The following SSBP4 variants were observed in gnomAD, a reference collection of about 807,000 sequenced individuals.
The protein encoded by SSBP4 is single stranded DNA binding protein 4.
SSBP4 carries 33 observed loss-of-function variants against 64.6 expected under a neutral mutation model. That is an observed-to-expected ratio of 0.51 (90% CI 0.39 to 0.68). The LOEUF is 0.68. Among genes scored for constraint, SSBP4 ranks in the 30% least tolerant of loss-of-function variants. SSBP4 has a pLI of 0.00. For missense variants in SSBP4, 583 were observed against 566.8 expected (o/e 1.03, Z -0.29); for synonymous variants, 243 against 224.0 (o/e 1.08, Z -0.76).
chr19:18,408,084 T>A, the SSBP4 span, among the ~76,000 whole-genome samples: 2 of 152,088 alleles, frequency 1.3e-5, no homozygotes, highest in Non-Finnish European at 2.9e-5. Flanking sequence ...CTGAATACCT[T>A]TGGGAGAGTC....
At position 18,427,921 on chromosome 19, in the gene SSBP4, C is replaced by T. The variant is rs1384340671; in HGVS notation, c.218C>T (p.Ala73Val). ...WWCVFWDLYCAAPDRREACEH... is the reference protein window; with the variant it reads ...WWCVFWDLYCVAPDRREACEH... ...AGCGTCTTCTGGGACCTGTACTGCG[C>T]GGCGCCTGACAGAAGAGAGGCCTGC... is the stretch of plus-strand genomic sequence containing the variant. The change falls in exon 4 of 18, where the codon GCG becomes GTG. Residue 73 changes from alanine to valine, a missense_variant. Transcript: ENST00000270061. The surrounding 1 kb of genome is among the most constrained non-coding windows in gnomAD (Gnocchi z 4.4). 6 of 1,613,698 alleles carry T rather than the reference C, an allele frequency of 3.7e-6. No homozygotes were observed. The highest frequency in any genetic ancestry group is 2.2e-5 in the East Asian group (1 of 44,878).
intron 4 of SSBP4, among the ~76,000 whole-genome samples, chr19:18,429,545 C>T (rs544031732): frequency 6.6e-5 from 10 of 152,044 alleles, no homozygotes; most frequent in Admixed American, 6.5e-4. Flanking sequence ...GGGGATTGCC[C>T]TCCCTGCGGG....
At chr19:18,421,196 T>C (rs1654002760) in intron 1 of SSBP4, among the ~76,000 whole-genome samples, 1 of 152,258 alleles carries the variant, frequency 6.6e-6, no homozygotes, top group Admixed American at 6.5e-5. Flanking sequence ...TGGGTCATTT[T>C]GGAGAAGAGG....
intron 4 of SSBP4, among the ~76,000 whole-genome samples, chr19:18,430,403 C>A (rs1343209374): frequency 6.6e-6 from 1 of 152,214 alleles, no homozygotes; most frequent in Non-Finnish European, 1.5e-5. Context: ...GACCCCACCC[C>A]AGAATCCTGC....
chr19:18,433,834 A>T lies in SSBP4; in HGVS notation c.1128+17A>T. ...AGCGAAAGCGTAAGCGACTGCGTCG[A>T]CTCCCCCCCCGCGGCGGCGTCGGGC... On this transcript the variant is annotated intron_variant, in intron 17 of 17. Transcript: ENST00000270061. The T allele has an allele frequency of 7.3e-7, 1 of 1,370,626 alleles. No individual in the cohort carries two copies. Among genetic ancestry groups the T allele is most frequent in the Non-Finnish European group, 9.4e-7 (1 of 1,067,594 alleles). The allele number at this position is 1,370,626 out of a possible 1,614,324, so 84.9% of individuals were successfully genotyped here.
Position 18,434,380 on chromosome 19 carries a change from A to G in SSBP4, c.*134A>G, listed in dbSNP as rs775383502. ...AAGGCTTGCCCAGCTGGGAGGCCCC[A>G]CACGAAAGACTCTTACCATTTTATT... On this transcript the variant is annotated 3_prime_UTR_variant, in exon 18 of 18. Transcript: ENST00000270061. 864 of 1,430,428 alleles carry G rather than the reference A, an allele frequency of 6.0e-4. 1 individual carries two copies. Among genetic ancestry groups the G allele is most frequent in the Non-Finnish European group, 7.0e-4 (764 of 1,085,250 alleles). 88.6% of individuals were successfully genotyped at this position (1,430,428 alleles called of 1,614,324 possible). A position where few individuals can be genotyped will look rare whatever the true frequency, so the allele number is the denominator to read the frequency against.
upstream of SSBP4, among the ~76,000 whole-genome samples, chr19:18,418,652 G>T (rs1381323333): frequency 6.6e-6 from 1 of 152,242 alleles, no homozygotes; most frequent in Non-Finnish European, 1.5e-5. The surrounding 1 kb of genome is among the most constrained non-coding windows in gnomAD (Gnocchi z 6.7). Flanking sequence ...CTGTGTGCCT[G>T]GGTTGTGTCT....
Position 18,419,549 on chromosome 19 carries a change from G to A in SSBP4, c.-100G>A, listed in dbSNP as rs1301080623. The A allele has an allele frequency of 1.3e-5, 15 of 1,151,184 alleles. No individual in the cohort carries two copies. Among genetic ancestry groups the A allele is most frequent in the Non-Finnish European group, 1.6e-5 (15 of 934,160 alleles). 71.3% of individuals were successfully genotyped at this position (1,151,184 alleles called of 1,614,324 possible). ...CTGCCGTGCCCGCCTGGGGCTCGGG[G>A]CGGTGAGGCCCGGGGCGCGGGGTAG... is the stretch of plus-strand genomic sequence containing the variant. On this transcript the variant is annotated 5_prime_UTR_variant, in exon 1 of 18. Transcript: ENST00000270061.
Position 18,433,714 on chromosome 19 carries a change from C to T in SSBP4, c.1025C>T (p.Ser342Phe). The T allele has an allele frequency of 2.8e-6, 4 of 1,426,100 alleles. No individual in the cohort carries two copies. The highest frequency in any genetic ancestry group is 3.6e-6 in the Non-Finnish European group (4 of 1,101,432). The allele number at this position is 1,426,100 out of a possible 1,614,324, so 88.3% of individuals were successfully genotyped here. The change falls in exon 17 of 18, where the codon TCC becomes TTC. Residue 342 changes from serine to phenylalanine, a missense_variant. Ser to Phe is a radical substitution (Grantham distance 155, BLOSUM62 -2). Around this residue, in one of 5 missense-constraint regions of SSBP4, gnomAD observed 31 missense variants for 58.5 expected, o/e 0.53. Transcript: ENST00000270061. Reference protein sequence around the residue: ...SGDMDGLPKSSPGAVAGLSNA... With the variant: ...SGDMDGLPKSFPGAVAGLSNA... ...GCCGACGGCGGCCGCCCCCAGAGTT[C>T]CCCCGGCGCCGTGGCCGGCCTGAGC...
At position 18,432,613 on chromosome 19, in the gene SSBP4, A is replaced by G. The variant is rs372909973; in HGVS notation, c.750+9A>G. 5 of 1,121,966 alleles carry G rather than the reference A, an allele frequency of 4.5e-6. No homozygotes were observed. Among genetic ancestry groups the G allele is most frequent in the Non-Finnish European group, 4.8e-6 (4 of 838,778 alleles). 69.5% of individuals were successfully genotyped at this position (1,121,966 alleles called of 1,614,324 possible). A position where few individuals can be genotyped will look rare whatever the true frequency, so the allele number is the denominator to read the frequency against. On this transcript the variant is annotated intron_variant, in intron 11 of 17. Coordinates refer to ENST00000270061, the MANE Select transcript of SSBP4 (RefSeq NM_032627.5). ...GCCCCAGTGGAAACTCGGTGAGCCTATGGCTGGGTGGGCAGGCTTGGGGTG... is the reference window on the plus strand; with the variant it reads ...GCCCCAGTGGAAACTCGGTGAGCCTGTGGCTGGGTGGGCAGGCTTGGGGTG...
At chr19:18,404,585 C>G in the SSBP4 span, among the ~76,000 whole-genome samples, 4 of 135,602 alleles carry the variant, frequency 2.9e-5, no homozygotes, top group African/African-American at 1.2e-4. Flanking sequence ...CAGAGCGAGA[C>G]TCTGTCTCAA....
the SSBP4 span, among the ~76,000 whole-genome samples, chr19:18,412,387 G>A: frequency 4.6e-3 from 698 of 151,030 alleles, 6 homozygotes; most frequent in Non-Finnish European, 7.0e-3. Context: ...TTGAACTCAG[G>A]AGGTGGAGGT....
At chr19:18,420,177 G>A (rs1249551759) in intron 1 of SSBP4, 1 of 152,056 alleles carries the variant, frequency 6.6e-6, no homozygotes. Flanking sequence ...GACCCCAGTC[G>A]CCTGGGGTAG....
intron 4 of SSBP4, among the ~76,000 whole-genome samples, chr19:18,430,575 C>T (rs1973277817): frequency 6.6e-6 from 1 of 152,126 alleles, no homozygotes; most frequent in Non-Finnish European, 1.5e-5. Context: ...GCTGAGCTGC[C>T]CTGCCAGCCA....
chr19:18,420,687 G>A lies in SSBP4; in HGVS notation c.59+980G>A, dbSNP rs540892407. Among the ~76,000 whole-genome samples, 10 of 151,864 alleles carry A rather than the reference G, an allele frequency of 6.6e-5. No individual in the cohort carries two copies. In the East Asian group the frequency reaches 1.2e-3, roughly 18 times the overall value. ...ATCCTGGCCAACATGGTGAAACCCC[G>A]TCTCTACTAAAAATACAAAAATTAG... On this transcript the variant is annotated intron_variant, in intron 1 of 17. Coordinates refer to ENST00000270061, the MANE Select transcript of SSBP4 (RefSeq NM_032627.5).
chr19:18,410,711 G>T, the SSBP4 span, among the ~76,000 whole-genome samples: 3 of 151,894 alleles, frequency 2.0e-5, no homozygotes, highest in Admixed American at 2.0e-4. Flanking sequence ...TTAGCTCAGG[G>T]AGGCCTCAAG....
upstream of SSBP4, among the ~76,000 whole-genome samples, chr19:18,416,801 C>T (rs1972135859): frequency 6.6e-6 from 1 of 152,226 alleles, no homozygotes; most frequent in Non-Finnish European, 1.5e-5. Context: ...TTTTCCTCCC[C>T]GCCCTGCCCG....
intron 5 of SSBP4, 50 bp downstream of exon 5, chr19:18,430,980 G>C (rs1475901204): frequency 1.3e-6 from 2 of 1,585,472 alleles, no homozygotes; most frequent in African/African-American, 2.7e-5. Flanking sequence ...CTGAACATGC[G>C]TTTGAGGGTG....
chr19:18,432,468 G>A, intron 10 of SSBP4, 91 bp from the exon 11 acceptor site: 2 of 1,494,572 alleles, frequency 1.3e-6, no homozygotes, highest in South Asian at 1.3e-5. Context: ...TCGGTCTGGG[G>A]ATACAGTGGA....
Sources: gnomAD v4.1 joint callset for allele counts (sites outside exome capture counted in the v4.1 genomes callset) on GRCh38, gnomAD v4.1.1 for gene constraint, gnomAD v4.1.1 regional missense constraint, Gnocchi (gnomAD v3.1) non-coding constraint, MANE v1.5 for transcripts, NCBI Gene and HGNC (gene_info 2026-07-23, HGNC 2026-07-21) for gene names.